The following CORO2B variants were observed in gnomAD, a reference collection of about 807,000 sequenced individuals.
CORO2B encodes coronin 2B, also known as coronin-2B.
A neutral mutation model predicts 58.8 loss-of-function variants in CORO2B; 26 were observed. That is an observed-to-expected ratio of 0.44 (90% CI 0.32 to 0.61). The LOEUF is 0.61. Among genes scored for constraint, CORO2B ranks in the 20% least tolerant of loss-of-function variants. The pLI is 0.04. For synonymous variants in CORO2B, 242 were observed against 253.8 expected, an observed-to-expected ratio of 0.95 and a Z score of 0.44; for missense variants, 460 against 645.1, an observed-to-expected ratio of 0.71 and a Z score of 3.11.
At chr15:68,717,133 G>T (rs189504704) in intron 8 of CORO2B, among the ~76,000 whole-genome samples, 3 of 151,962 alleles carry the variant, frequency 2.0e-5, no homozygotes, top group Non-Finnish European at 4.4e-5. Flanking sequence ...GTGAAACCCT[G>T]TCTCTAAACC....
upstream of CORO2B, among the ~76,000 whole-genome samples, chr15:68,576,718 C>T (rs1358243225): frequency 1.3e-5 from 2 of 152,154 alleles, no homozygotes; most frequent in South Asian, 2.1e-4. Context: ...GACAGGGAAT[C>T]TGACTCTTCC....
chr15:68,542,963 G>A, the CORO2B span, among the ~76,000 whole-genome samples: 3 of 152,286 alleles, frequency 2.0e-5, no homozygotes, highest in Admixed American at 6.5e-5. Context: ...ATCAGCTGCC[G>A]GATGTATTGA....
intron 8 of CORO2B, among the ~76,000 whole-genome samples, chr15:68,715,861 C>A (rs1893020208): frequency 6.6e-6 from 1 of 152,218 alleles, no homozygotes; most frequent in African/African-American, 2.4e-5. Context: ...AAAAGTCTTA[C>A]AACCAATTTT....
At chr15:68,676,538 A>G (rs966397626) in intron 2 of CORO2B, among the ~76,000 whole-genome samples, 3 of 152,226 alleles carry the variant, frequency 2.0e-5, no homozygotes, top group Non-Finnish European at 4.4e-5. Context: ...CCCCTGTGAC[A>G]TGGGGCTGCT....
chr15:68,528,689 G>GTTTTTTTTTTTTTTTTTTTTTGTTTT, the CORO2B span, among the ~76,000 whole-genome samples: 1 of 118,020 alleles, frequency 8.5e-6, no homozygotes. Flanking sequence ...TTTTCTGAGT[G>GTTTTTTTTTTTTTTTTTTTTTGTTTT]TTTTTTTTTT....
chr15:68,647,923 G>A (rs1347170169), intron 2 of CORO2B, among the ~76,000 whole-genome samples: 1 of 151,300 alleles, frequency 6.6e-6, no homozygotes, highest in African/African-American at 2.4e-5. Context: ...AGCTACTTGG[G>A]AGGCTGAGGT....
At chr15:68,542,994 G>C in the CORO2B span, among the ~76,000 whole-genome samples, 1 of 152,162 alleles carries the variant, frequency 6.6e-6, no homozygotes, top group Non-Finnish European at 1.5e-5. Flanking sequence ...CTTGCTCCAG[G>C]CTCCTCGGGA....
At chr15:68,638,526 C>G (rs1017683592) in intron 1 of CORO2B, among the ~76,000 whole-genome samples, 1 of 152,200 alleles carries the variant, frequency 6.6e-6, no homozygotes, top group Non-Finnish European at 1.5e-5. Flanking sequence ...CTTTCTGACT[C>G]CTAAAACTCT....
chr15:68,546,780 T>A, the CORO2B span, among the ~76,000 whole-genome samples: 1 of 152,186 alleles, frequency 6.6e-6, no homozygotes, highest in Non-Finnish European at 1.5e-5. Context: ...TTTCTTCTGC[T>A]GACCTTGACT....
At chr15:68,708,919 G>A (rs1892847579) in intron 3 of CORO2B, among the ~76,000 whole-genome samples, 1 of 152,186 alleles carries the variant, frequency 6.6e-6, no homozygotes, top group South Asian at 2.1e-4. Flanking sequence ...GGGCTCACGT[G>A]ATCCTCCTGC....
At chr15:68,654,219 G>A (rs767461739) in intron 2 of CORO2B, among the ~76,000 whole-genome samples, 5 of 152,224 alleles carry the variant, frequency 3.3e-5, no homozygotes, top group Non-Finnish European at 7.3e-5. Flanking sequence ...AGAAATGGAA[G>A]TGTCGCTCTC....
chr15:68,677,954 C>T (rs187960605), intron 2 of CORO2B, among the ~76,000 whole-genome samples: 1 of 152,292 alleles, frequency 6.6e-6, no homozygotes, highest in African/African-American at 2.4e-5. Flanking sequence ...TGAGGGTTTC[C>T]TGTTATTTCA....
Position 68,645,142 on chromosome 15 carries a change from T to C in CORO2B, c.16-18T>C. Reference sequence around the variant, plus strand: ...CACAGGGCCCAGCCTGACCCTTGTCTCTCCTGGCCCCTCACAGATGTCCTG... The same window carrying C: ...CACAGGGCCCAGCCTGACCCTTGTCCCTCCTGGCCCCTCACAGATGTCCTG... On this transcript the variant is annotated intron_variant, in intron 1 of 11. Coordinates refer to ENST00000261861, the MANE Select transcript of CORO2B (RefSeq NM_006091.5). The surrounding 1 kb of genome is among the most constrained non-coding windows in gnomAD (Gnocchi z 4.5). 1 of 1,612,568 alleles carries C rather than the reference T, an allele frequency of 6.2e-7. No homozygotes were observed. Among genetic ancestry groups the C allele is most frequent in the Non-Finnish European group, 8.5e-7 (1 of 1,179,220 alleles).
chr15:68,593,624 G>T (rs926657496), intron 1 of CORO2B, among the ~76,000 whole-genome samples: 2 of 151,680 alleles, frequency 1.3e-5, no homozygotes, highest in Non-Finnish European at 2.9e-5. Flanking sequence ...CTACAAGGGA[G>T]CTCAGAGAGG....
chr15:68,635,083 G>A (rs1900988840), intron 1 of CORO2B, among the ~76,000 whole-genome samples: 1 of 152,190 alleles, frequency 6.6e-6, no homozygotes, highest in Non-Finnish European at 1.5e-5. Flanking sequence ...CAGATGACCT[G>A]GGGCTCGCAC....
At chr15:68,666,174 G>T (rs1336635029) in intron 2 of CORO2B, among the ~76,000 whole-genome samples, 1 of 152,200 alleles carries the variant, frequency 6.6e-6, no homozygotes, top group African/African-American at 2.4e-5. Flanking sequence ...TGTCCTATTT[G>T]TTTGAGGTAG....
intron 3 of CORO2B, among the ~76,000 whole-genome samples, chr15:68,706,541 A>T (rs1892790360): frequency 6.6e-6 from 1 of 152,344 alleles, no homozygotes; most frequent in Middle Eastern, 3.4e-3. Context: ...GCCAGGGGCA[A>T]CTATTCTACC....
At chr15:68,666,996 G>C (rs1902213389) in intron 2 of CORO2B, among the ~76,000 whole-genome samples, 1 of 152,064 alleles carries the variant, frequency 6.6e-6, no homozygotes, top group Non-Finnish European at 1.5e-5. Context: ...CTGTGGCTCA[G>C]CTGCAGCACA....
At chr15:68,668,181 T>C (rs1447760380) in intron 2 of CORO2B, among the ~76,000 whole-genome samples, 2 of 152,196 alleles carry the variant, frequency 1.3e-5, no homozygotes, top group Non-Finnish European at 2.9e-5. Flanking sequence ...TTTAGCACCA[T>C]GCCTGACACA....
Sources: gnomAD v4.1 joint callset for allele counts (sites outside exome capture counted in the v4.1 genomes callset) on GRCh38, gnomAD v4.1.1 for gene constraint, Gnocchi (gnomAD v3.1) non-coding constraint, MANE v1.5 for transcripts, NCBI Gene and HGNC (gene_info 2026-07-23, HGNC 2026-07-21) for gene names.